Variants in CHN1 observed in about 807,000 individuals in gnomAD.
The protein encoded by CHN1 is chimerin 1, also known as N-chimaerin.
CHN1 carries 37 observed loss-of-function variants against 59.5 expected under a neutral mutation model. That is an observed-to-expected ratio of 0.62 (90% CI 0.48 to 0.82). The LOEUF (loss-of-function observed/expected upper bound fraction) is 0.82. Ranked by LOEUF, CHN1 falls within the 40% of genes least tolerant of loss-of-function variation. The pLI, the probability that CHN1 is intolerant of heterozygous loss-of-function variation, is 0.00. For missense variants in CHN1, 469 were observed against 571.0 expected, an observed-to-expected ratio of 0.82 and a Z score of 1.82; for synonymous variants, 206 against 200.4, an observed-to-expected ratio of 1.03 and a Z score of -0.24.
At chr2:174,850,273 C>T (rs1167683055) in intron 6 of CHN1, among the ~76,000 whole-genome samples, 2 of 152,086 alleles carry the variant, frequency 1.3e-5, no homozygotes, top group African/African-American at 4.8e-5. Context: ...TTTCTACACA[C>T]CTTGAATCTA....
At chr2:174,941,830 G>C (rs1362440619) in intron 3 of CHN1, among the ~76,000 whole-genome samples, 2 of 151,890 alleles carry the variant, frequency 1.3e-5, no homozygotes, top group African/African-American at 4.8e-5. Context: ...TCTGCCTTTT[G>C]CAATTTTTGT....
At chr2:174,905,054 T>G (rs10175993) in intron 5 of CHN1, among the ~76,000 whole-genome samples, 66,217 of 151,982 alleles carry the variant, frequency 0.44, 14,694 homozygotes, top group Admixed American at 0.52. Flanking sequence ...TTTACCATAA[T>G]GCCTGGAAGA....
intron 1 of CHN1, among the ~76,000 whole-genome samples, chr2:174,981,862 T>C (rs1352224221): frequency 2.0e-5 from 3 of 152,156 alleles, no homozygotes; most frequent in Non-Finnish European, 4.4e-5. Context: ...TTGTTACATA[T>C]GTATACATGT....
Position 174,878,597 on chromosome 2 carries a change from C to T in CHN1, c.261-469G>A, listed in dbSNP as rs1225001270. ...ATAGGAAAGCTCCATTTAGGGCTAACCAGAATATGATGCCAGCAATCACTT... is the reference window on the plus strand; with the variant it reads ...ATAGGAAAGCTCCATTTAGGGCTAATCAGAATATGATGCCAGCAATCACTT... On this transcript the variant is annotated intron_variant, in intron 5 of 12. Transcript: ENST00000409900. 2.0e-5 allele frequency among the ~76,000 whole-genome samples: 3 copies of T among 152,326 alleles called. No homozygotes were observed. In the East Asian group the frequency reaches 5.8e-4, roughly 29 times the overall value.
intron 1 of CHN1, among the ~76,000 whole-genome samples, chr2:174,955,327 T>C (rs1002662385): frequency 1.3e-5 from 2 of 151,756 alleles, no homozygotes; most frequent in African/African-American, 4.8e-5. Flanking sequence ...TTGCAGCAGT[T>C]CAGGTGAACT....
In CHN1 at chr2:174,803,188, T is replaced by C. The variant is rs79527604; in HGVS notation, c.1103-1376A>G. On this transcript the variant is annotated intron_variant, in intron 11 of 12. Transcript: ENST00000409900. The stretch of plus-strand genomic sequence containing the variant: ...AAAAAATCCTAGTGTTTCTAACTTA[T>C]AAAACAAACCAACTCAATAGTAATG... Among the ~76,000 whole-genome samples, 44 of 152,312 alleles carry C rather than the reference T, an allele frequency of 2.9e-4. 1 individual carries two copies. The East Asian group carries it at 5.2e-3, about 18-fold the overall frequency.
intron 1 of CHN1, among the ~76,000 whole-genome samples, chr2:174,992,641 A>T (rs1165697843): frequency 2.0e-5 from 3 of 152,242 alleles, no homozygotes; most frequent in Non-Finnish European, 2.9e-5. Context: ...ACTTGTGACA[A>T]GATGCTCTCC....
At position 174,846,931 on chromosome 2, in the gene CHN1, A is replaced by T; in HGVS notation, c.576T>A (p.Thr192=). Residue 192 remains threonine, a synonymous_variant, in exon 7 of 13, where the codon ACT becomes ACA. Transcript: ENST00000409900. The part of the protein sequence containing the change: ...KRLTSLVRRA[T]LKENEQIPKY... ...TTGGAATTTGCTCGTTTTCTTTCAG[A>T]GTTGCTCTTCTAACAAGTGATGTCA... 1 of 1,553,882 alleles carries T rather than the reference A, an allele frequency of 6.4e-7. No individual in the cohort carries two copies. The highest frequency in any genetic ancestry group is 8.7e-7 in the Non-Finnish European group (1 of 1,147,766).
chr2:174,968,439 A>G (rs1004754233), intron 1 of CHN1, among the ~76,000 whole-genome samples: 1 of 152,266 alleles, frequency 6.6e-6, no homozygotes, highest in African/African-American at 2.4e-5. Flanking sequence ...GGCAACCACA[A>G]ATGAGCGGAG....
At chr2:174,983,595 C>T (rs1691234744) in intron 1 of CHN1, among the ~76,000 whole-genome samples, 7 of 151,924 alleles carry the variant, frequency 4.6e-5, no homozygotes, top group Admixed American at 3.3e-4. Flanking sequence ...TTTGGGAGGC[C>T]GAGGCGGGTG....
chr2:174,891,682 A>G (rs1305236819), intron 5 of CHN1, among the ~76,000 whole-genome samples: 4 of 152,102 alleles, frequency 2.6e-5, no homozygotes, highest in Non-Finnish European at 4.4e-5. Flanking sequence ...AAAAAGAAAG[A>G]TCTCAATCAA....
intron 1 of CHN1, among the ~76,000 whole-genome samples, chr2:175,000,135 TAA>T (rs928681472): frequency 7.5e-6 from 1 of 132,824 alleles, no homozygotes; most frequent in African/African-American, 3.1e-5. Flanking sequence ...CACACCTGGC[TAA>T]TTTTTTTTTT....
At chr2:174,971,469 G>A (rs185834801) in intron 1 of CHN1, among the ~76,000 whole-genome samples, 1 of 152,232 alleles carries the variant, frequency 6.6e-6, no homozygotes, top group East Asian at 1.9e-4. Context: ...ATGCACCTTA[G>A]GATTCTCAAT....
At position 174,856,270 on chromosome 2, in the gene CHN1, G is replaced by A. The variant is rs935438908; in HGVS notation, c.550-9313C>T. On this transcript the variant is annotated intron_variant, in intron 6 of 12. Transcript: ENST00000409900. ...GCTAGGACTCAATTTTTATGCTACTGGCAGCAATCACATCATAATTCCTAA... is the reference window on the plus strand; with the variant it reads ...GCTAGGACTCAATTTTTATGCTACTAGCAGCAATCACATCATAATTCCTAA... 2.0e-5 allele frequency among the ~76,000 whole-genome samples: 3 copies of A among 152,008 alleles called. No individual in the cohort carries two copies. In the East Asian group the frequency reaches 5.8e-4, roughly 29 times the overall value.
chr2:174,968,130 G>A (rs1690650078), intron 1 of CHN1, among the ~76,000 whole-genome samples: 1 of 152,118 alleles, frequency 6.6e-6, no homozygotes, highest in Non-Finnish European at 1.5e-5. Context: ...ATAAACTAAC[G>A]CTTACATGAA....
At chr2:174,960,423 G>A (rs1193686565) in intron 1 of CHN1, among the ~76,000 whole-genome samples, 1 of 152,230 alleles carries the variant, frequency 6.6e-6, no homozygotes, top group Non-Finnish European at 1.5e-5. Context: ...CTCTTAGAAA[G>A]TGTGTTCTCT....
At chr2:174,919,645 T>C (rs1688949530) in intron 3 of CHN1, among the ~76,000 whole-genome samples, 1 of 152,214 alleles carries the variant, frequency 6.6e-6, no homozygotes, top group African/African-American at 2.4e-5. Flanking sequence ...AATGTACTTA[T>C]AACTAACAAA....
In CHN1 at chr2:174,824,515, G is replaced by T; in HGVS notation, c.631C>A (p.His211Asn). Residue 211 changes from histidine to asparagine, a missense_variant, in exon 8 of 13, where the codon CAT becomes AAT. This residue lies in a region of CHN1 where 81 missense variants were observed against 71.7 expected (regional missense o/e 1.13). Transcript: ENST00000409900. ...KYEKIHNFKV[H>N]TFRGPHWCEY... is the part of the protein sequence containing the mutation. Reference sequence around the variant, plus strand: ...CACCAGTGTGGCCCTCTGAATGTATGCACCTGAAAAAAAAAAAGAGGGGCA... The same window carrying T: ...CACCAGTGTGGCCCTCTGAATGTATTCACCTGAAAAAAAAAAAGAGGGGCA... 6.3e-7 allele frequency: 1 copy of T among 1,586,906 alleles called. No individual in the cohort carries two copies. The highest frequency in any genetic ancestry group is 1.8e-5 in the Admixed American group (1 of 56,678).
intron 1 of CHN1, among the ~76,000 whole-genome samples, chr2:174,983,822 C>T (rs1347967410): frequency 5.9e-5 from 9 of 151,456 alleles, no homozygotes; most frequent in African/African-American, 2.2e-4. Flanking sequence ...AGCAAGACTC[C>T]GTCTTAAAAA....
Sources: allele counts gnomAD v4.1 joint callset (sites outside exome capture counted in the v4.1 genomes callset), GRCh38; gene constraint gnomAD v4.1.1; regional missense constraint gnomAD v4.1.1; transcripts MANE v1.5; gene names NCBI Gene and HGNC (gene_info 2026-07-23, HGNC 2026-07-21).